Variants in ARMH4 observed in about 807,000 individuals in gnomAD.
The protein encoded by ARMH4 is armadillo-like helical domain-containing protein 4.
In ARMH4, 49 loss-of-function variants were observed where a neutral mutation model predicts 61.9. The observed-to-expected ratio is 0.79, with a 90% CI of 0.63 to 1.00. ARMH4 has a LOEUF of 1.00. Among genes scored for constraint, ARMH4 ranks in the 50% least tolerant of loss-of-function variants. The pLI is 0.00. For synonymous variants in ARMH4, 368 were observed against 341.5 expected, an observed-to-expected ratio of 1.08 and a Z score of -0.85; for missense variants, 934 against 930.0, an observed-to-expected ratio of 1.00 and a Z score of -0.06.
intron 4 of ARMH4, among the ~76,000 whole-genome samples, chr14:58,104,526 C>A (rs1000554093): frequency 1.3e-5 from 2 of 152,152 alleles, no homozygotes; most frequent in Non-Finnish European, 2.9e-5. Flanking sequence ...CTCTCATAAT[C>A]TTTTTCTTCC....
At chr14:58,035,106 T>C (rs1299126357) in intron 5 of ARMH4, among the ~76,000 whole-genome samples, 2 of 148,464 alleles carry the variant, frequency 1.3e-5, no homozygotes, top group Admixed American at 1.3e-4. Flanking sequence ...TATACATTTT[T>C]TTCAGCACCA....
At chr14:58,018,179 A>T (rs1236106833) in intron 5 of ARMH4, among the ~76,000 whole-genome samples, 2 of 152,224 alleles carry the variant, frequency 1.3e-5, no homozygotes, top group Non-Finnish European at 2.9e-5. Context: ...ACTAGAAGAT[A>T]ATAAAGGGGA....
intron 1 of ARMH4, among the ~76,000 whole-genome samples, chr14:58,140,151 T>G (rs1383241035): frequency 6.6e-6 from 1 of 150,444 alleles, no homozygotes; most frequent in African/African-American, 2.5e-5. Context: ...CGTAGGCACC[T>G]GTAATCTCAG....
At chr14:58,047,833 C>T (rs1319835052) in intron 5 of ARMH4, among the ~76,000 whole-genome samples, 1 of 152,010 alleles carries the variant, frequency 6.6e-6, no homozygotes, top group Non-Finnish European at 1.5e-5. Context: ...CCTTAGGGAC[C>T]CGCCAAGTCC....
intron 4 of ARMH4, among the ~76,000 whole-genome samples, chr14:58,123,563 C>A (rs957070638): frequency 2.0e-5 from 3 of 152,178 alleles, no homozygotes; most frequent in Non-Finnish European, 2.9e-5. Context: ...TCCCTCTAGA[C>A]CCAGCTGTAC....
chr14:58,145,763 T>A (rs184303241), intron 1 of ARMH4, among the ~76,000 whole-genome samples: 1 of 152,332 alleles, frequency 6.6e-6, no homozygotes, highest in African/African-American at 2.4e-5. Flanking sequence ...TCAAAGGCAT[T>A]GATGAAAGCT....
chr14:58,007,247 C>T (rs1172303474), intron 6 of ARMH4, among the ~76,000 whole-genome samples: 2 of 152,176 alleles, frequency 1.3e-5, no homozygotes, highest in Admixed American at 6.5e-5. Context: ...TAACCCCATA[C>T]CAACAACATC....
rs1033263184 is a variant in ARMH4 at position 58,002,158 on chromosome 14, T to A, written c.*2578A>T. 6.6e-6 allele frequency: 1 copy of A among 152,168 alleles called. No homozygotes were observed. Among genetic ancestry groups the A allele is most frequent in the Non-Finnish European group, 1.5e-5 (1 of 68,032 alleles). 9.4% of individuals were successfully genotyped at this position (152,168 alleles called of 1,614,324 possible). The stretch of plus-strand genomic sequence containing the variant: ...CCAGCACTTCCATCTCGTAGCAGCA[T>A]CTCTAATCCCAGGTTTTGTTTAAAA... On this transcript the variant is annotated 3_prime_UTR_variant, in exon 8 of 8. Coordinates refer to ENST00000267485, the MANE Select transcript of ARMH4 (RefSeq NM_001001872.4).
intron 5 of ARMH4, among the ~76,000 whole-genome samples, chr14:58,019,664 A>G (rs1257046345): frequency 6.6e-6 from 1 of 152,036 alleles, no homozygotes; most frequent in Admixed American, 6.6e-5. Flanking sequence ...GGTGGCATGC[A>G]CCTGTAGTCC....
At chr14:58,031,447 G>T (rs770618855) in intron 5 of ARMH4, among the ~76,000 whole-genome samples, 1 of 152,170 alleles carries the variant, frequency 6.6e-6, no homozygotes, top group Non-Finnish European at 1.5e-5. Flanking sequence ...TTAATGATAA[G>T]TTTATTTTCT....
chr14:58,091,660 G>T (rs1185493798), intron 5 of ARMH4, among the ~76,000 whole-genome samples: 1 of 152,186 alleles, frequency 6.6e-6, no homozygotes, highest in Non-Finnish European at 1.5e-5. Context: ...TGATAATTGT[G>T]TGATTTATTA....
At chr14:58,126,148 A>G in intron 4 of ARMH4, among the ~76,000 whole-genome samples, 1 of 152,176 alleles carries the variant, frequency 6.6e-6, no homozygotes, top group East Asian at 1.9e-4. Flanking sequence ...AACTGCAAAA[A>G]CAAAAGAAAA....
At chr14:58,073,061 C>T (rs1163294426) in intron 5 of ARMH4, among the ~76,000 whole-genome samples, 1 of 152,182 alleles carries the variant, frequency 6.6e-6, no homozygotes, top group African/African-American at 2.4e-5. Context: ...ATTTGCCTCA[C>T]TAGAGGAAAT....
rs2273442 is a variant in ARMH4 at position 58,096,976 on chromosome 14, G to C, written c.1837C>G (p.Gln613Glu). ...TCATCCTCTTCATCCTCATCTTCTT[G>C]TCCCTCTAGGCAAAAAGAAATCAAA... ...GLDQLESEEG[Q>E]EDEDEEDEED... The change falls in exon 5 of 8, where the codon CAA becomes GAA. Residue 613 changes from glutamine (Q) to glutamate (E), a missense_variant. Gln to Glu is a conservative substitution (Grantham distance 29). Coordinates refer to ENST00000267485, the MANE Select transcript of ARMH4 (RefSeq NM_001001872.4). The C allele has an allele frequency of 0.51, 827,357 of 1,609,396 alleles. 215,613 individuals carry two copies. The highest frequency in any genetic ancestry group is 0.6 in the African/African-American group (44,637 of 74,718).
rs1566536388 is a variant in ARMH4 at position 58,006,923 on chromosome 14, TA to T, written c.2122-1742del. 6.6e-5 allele frequency among the ~76,000 whole-genome samples: 10 copies of T among 152,004 alleles called. No homozygotes were observed. The South Asian group carries it at 1.2e-3, about 19-fold the overall frequency. ...TTAACGTATAATAAAAATAAATAAA[TA>T]AATAAATTAATTAATTAATATGCTT... is the stretch of plus-strand genomic sequence containing the variant. On this transcript the variant is annotated intron_variant, in intron 6 of 7. Transcript: ENST00000267485.
At chr14:58,058,768 A>G (rs1884429524) in intron 5 of ARMH4, among the ~76,000 whole-genome samples, 1 of 152,192 alleles carries the variant, frequency 6.6e-6, no homozygotes, top group South Asian at 2.1e-4. Context: ...ACCTGTACAG[A>G]TATTAATGCA....
At chr14:58,031,942 T>A (rs1399010405) in intron 5 of ARMH4, among the ~76,000 whole-genome samples, 1 of 152,170 alleles carries the variant, frequency 6.6e-6, no homozygotes, top group Admixed American at 6.5e-5. Context: ...CTTCCAAGCT[T>A]TCTACTGCCC....
chr14:58,131,101 A>G lies in ARMH4; in HGVS notation c.1831+411T>C, dbSNP rs185334639. 37 of 177,186 alleles carry G rather than the reference A, an allele frequency of 2.1e-4. No homozygotes were observed. The East Asian group carries it at 3.9e-3, about 18-fold the overall frequency. The allele number at this position is 177,186 out of a possible 1,614,324, so 11.0% of individuals were successfully genotyped here. A position where few individuals can be genotyped will look rare whatever the true frequency, so the allele number is the denominator to read the frequency against. On this transcript the variant is annotated intron_variant, in intron 4 of 7. Transcript: ENST00000267485. ...GCAAACTTGCTCTATAAAGGGCCCT[A>G]TCATAAATGTTTCAGGCTTTGTGGG...
chr14:58,084,950 C>T (rs997793385), intron 5 of ARMH4, among the ~76,000 whole-genome samples: 1 of 152,222 alleles, frequency 6.6e-6, no homozygotes, highest in Non-Finnish European at 1.5e-5. Context: ...TTCAACTTCA[C>T]CTGATCACTA....
Sources: allele counts gnomAD v4.1 joint callset (sites outside exome capture counted in the v4.1 genomes callset), GRCh38; gene constraint gnomAD v4.1.1; transcripts MANE v1.5; gene names NCBI Gene and HGNC (gene_info 2026-07-23, HGNC 2026-07-21).